Variants in DIAPH2 observed in about 807,000 individuals in gnomAD.
The protein encoded by DIAPH2 is diaphanous related formin 2.
A neutral mutation model predicts 92.7 loss-of-function variants in DIAPH2; 35 were observed. The ratio of observed to expected loss-of-function variants is 0.38; its 90% confidence interval spans 0.29 to 0.50. DIAPH2 has a LOEUF of 0.50. DIAPH2 is among the 20% of genes least tolerant of loss of function. The pLI is 0.94. For synonymous variants in DIAPH2, 301 were observed against 280.4 expected (o/e 1.07, Z -0.73); for missense variants, 701 against 819.5 (o/e 0.86, Z 1.77).
intron 17 of DIAPH2, among the ~76,000 whole-genome samples, chrX:97,040,892 C>T (rs2066444282): frequency 9.0e-6 from 1 of 110,640 alleles, no homozygotes; most frequent in Non-Finnish European, 1.9e-5. Context: ...TCCTCTCCTT[C>T]AGAATTTCTC....
At chrX:96,959,637 C>A (rs180754485) in intron 16 of DIAPH2, among the ~76,000 whole-genome samples, 1 of 111,538 alleles carries the variant, frequency 9.0e-6, no homozygotes, top group African/African-American at 3.3e-5. Context: ...ATCTCACTTA[C>A]CCATTTTTGT....
At chrX:97,595,902 G>C (rs1248924267) in intron 26 of DIAPH2, among the ~76,000 whole-genome samples, 2 of 111,606 alleles carry the variant, frequency 1.8e-5, no homozygotes, top group Non-Finnish European at 3.8e-5. Context: ...AAAGTGCTGG[G>C]ATTACAGGCG....
At position 96,998,895 on chromosome X, in the gene DIAPH2, G is replaced by A. The variant is rs900008568; in HGVS notation, c.2050+33688G>A. On this transcript the variant is annotated intron_variant, in intron 17 of 26. Transcript: ENST00000324765. ...ACCCTTTAGGATTATTGACAATTGAGTTAATAATTGTAAAATGTTTAAAAT... is the reference window on the plus strand; with the variant it reads ...ACCCTTTAGGATTATTGACAATTGAATTAATAATTGTAAAATGTTTAAAAT... 6.2e-5 allele frequency among the ~76,000 whole-genome samples: 7 copies of A among 112,233 alleles called. No individual in the cohort carries two copies. In the East Asian group the frequency reaches 2.0e-3, roughly 31 times the overall value.
At chrX:97,054,263 T>G (rs2066540634) in intron 17 of DIAPH2, among the ~76,000 whole-genome samples, 1 of 112,101 alleles carries the variant, frequency 8.9e-6, no homozygotes, top group Admixed American at 9.5e-5. Context: ...ATTTTTACAG[T>G]TTGGCAATAT....
At chrX:96,703,942 T>C (rs1029840129) in intron 1 of DIAPH2, among the ~76,000 whole-genome samples, 1 of 111,496 alleles carries the variant, frequency 9.0e-6, no homozygotes, top group Non-Finnish European at 1.9e-5. Context: ...TTTTCTTTTC[T>C]GTTTTGAGAC....
At chrX:97,243,202 C>T (rs12010920) in intron 22 of DIAPH2, among the ~76,000 whole-genome samples, 7,970 of 109,346 alleles carry the variant, frequency 0.073, 392 homozygotes, top group African/African-American at 0.18. Context: ...TCAGCCCTGA[C>T]GGAGACAACC....
At chrX:96,846,992 A>T (rs1602561533) in intron 4 of DIAPH2, among the ~76,000 whole-genome samples, 1 of 111,349 alleles carries the variant, frequency 9.0e-6, no homozygotes, top group East Asian at 2.8e-4. Context: ...GCTTAGATAC[A>T]TCCCTTATAT....
intron 5 of DIAPH2, among the ~76,000 whole-genome samples, chrX:96,883,674 C>T (rs1331994305): frequency 9.0e-6 from 1 of 111,002 alleles, no homozygotes; most frequent in African/African-American, 3.3e-5. Context: ...GCCACTGCGC[C>T]CGGCCTGATG....
In DIAPH2 at chrX:97,599,800, A is replaced by ATATT. The variant is rs760571003; in HGVS notation, c.*484_*487dup. 1.8e-5 allele frequency: 2 copies of ATATT among 113,512 alleles called. No individual in the cohort carries two copies. The highest frequency in any genetic ancestry group is 6.4e-5 in the African/African-American group (2 of 31,018). 9.4% of individuals were successfully genotyped at this position (113,512 alleles called of 1,213,427 possible). ...TGCATCTTGATTTGGAGAGAGGCTA[A>ATATT]TATTATGCACACTGTAAGAGAAGCC... is the stretch of plus-strand genomic sequence containing the variant. On this transcript the variant is annotated 3_prime_UTR_variant, in exon 27 of 27. Transcript: ENST00000324765.
At chrX:96,739,563 CT>C (rs1325151873) in intron 3 of DIAPH2, among the ~76,000 whole-genome samples, 1 of 112,018 alleles carries the variant, frequency 8.9e-6, no homozygotes, top group Non-Finnish European at 1.9e-5. Flanking sequence ...ACTGTGCCCA[CT>C]GTGGAACATC....
chrX:96,832,192 T>C (rs983968164), intron 4 of DIAPH2, among the ~76,000 whole-genome samples: 3 of 111,876 alleles, frequency 2.7e-5, no homozygotes, highest in Non-Finnish European at 3.8e-5. Context: ...GCAAAACTAA[T>C]AGTGGTCTGC....
At chrX:96,975,653 A>C (rs145122394) in intron 17 of DIAPH2, among the ~76,000 whole-genome samples, 1 of 111,985 alleles carries the variant, frequency 8.9e-6, no homozygotes, top group Non-Finnish European at 1.9e-5. Flanking sequence ...GCTTATAAAC[A>C]ACAGAAATTT....
chrX:97,507,166 A>AAAAAAAAAAAC (rs2070842387), intron 26 of DIAPH2, among the ~76,000 whole-genome samples: 1 of 92,038 alleles, frequency 1.1e-5, no homozygotes, highest in African/African-American at 3.5e-5. Context: ...AAAAAAAAAA[A>AAAAAAAAAAAC]TCCCTACCTT....
At chrX:97,083,915 G>A (rs988370958) in intron 19 of DIAPH2, among the ~76,000 whole-genome samples, 1 of 111,044 alleles carries the variant, frequency 9.0e-6, no homozygotes, top group Non-Finnish European at 1.9e-5. Flanking sequence ...TTCCTGTTAC[G>A]TTGCAAATAC....
intron 26 of DIAPH2, among the ~76,000 whole-genome samples, chrX:97,541,845 A>T (rs2071142833): frequency 8.9e-6 from 1 of 112,754 alleles, no homozygotes; most frequent in African/African-American, 3.2e-5. Context: ...ACAAAAACAA[A>T]GATAAACATC....
At chrX:96,859,521 G>A (rs1729507551) in intron 4 of DIAPH2, among the ~76,000 whole-genome samples, 1 of 109,879 alleles carries the variant, frequency 9.1e-6, no homozygotes, top group Non-Finnish European at 1.9e-5. Context: ...AAAGATGAAG[G>A]ATTCACATTT....
At chrX:97,384,571 A>T (rs2069580963) in intron 25 of DIAPH2, among the ~76,000 whole-genome samples, 2 of 112,032 alleles carry the variant, frequency 1.8e-5, no homozygotes, top group Non-Finnish European at 3.8e-5. Context: ...TATAGTTTAA[A>T]GTAAGTTGTT....
chrX:96,923,866 C>T (rs1481128584), intron 9 of DIAPH2, among the ~76,000 whole-genome samples: 1 of 111,816 alleles, frequency 8.9e-6, no homozygotes, highest in Admixed American at 9.5e-5. Flanking sequence ...CCTGACTCAA[C>T]AGGAAATTGT....
chrX:96,847,837 G>T (rs2064981791), intron 4 of DIAPH2, among the ~76,000 whole-genome samples: 1 of 110,467 alleles, frequency 9.1e-6, no homozygotes, highest in African/African-American at 3.3e-5. Flanking sequence ...TTGTGTCAAA[G>T]ACCACTCTTT....
Sources: allele counts gnomAD v4.1 joint callset (sites outside exome capture counted in the v4.1 genomes callset), GRCh38; gene constraint gnomAD v4.1.1; transcripts MANE v1.5; gene names NCBI Gene and HGNC (gene_info 2026-07-23, HGNC 2026-07-21).